NFATC2: variants seen among roughly 807,000 people sequenced by gnomAD.
NFATC2 encodes nuclear factor of activated T-cells, cytoplasmic 2.
In NFATC2, 22 loss-of-function variants were observed where a neutral mutation model predicts 87.3. The ratio of observed to expected loss-of-function variants is 0.25; its 90% confidence interval spans 0.18 to 0.36. NFATC2 has a LOEUF of 0.36. NFATC2 is among the 10% of genes least tolerant of loss of function. The probability of loss-of-function intolerance (pLI) is 1.00; values close to 1 mark genes in which losing one functional copy is unlikely to be tolerated. For missense variants in NFATC2, 1,149 were observed against 1,259.1 expected, an observed-to-expected ratio of 0.91 and a Z score of 1.32; for synonymous variants, 565 against 542.2, an observed-to-expected ratio of 1.04 and a Z score of -0.58.
chr20:51,518,439 A>G (rs1224352277), intron 2 of NFATC2, among the ~76,000 whole-genome samples: 1 of 152,214 alleles, frequency 6.6e-6, no homozygotes, highest in African/African-American at 2.4e-5. Context: ...TCTGTGCCAG[A>G]GTCCAACTTA....
chr20:51,550,857 A>C (rs889502649), intron 1 of NFATC2, among the ~76,000 whole-genome samples: 1 of 152,228 alleles, frequency 6.6e-6, no homozygotes, highest in Non-Finnish European at 1.5e-5. Context: ...TACTGAACTC[A>C]TATCGCTTTC....
chr20:51,509,089 T>A (rs2076232168), intron 3 of NFATC2, among the ~76,000 whole-genome samples: 1 of 151,890 alleles, frequency 6.6e-6, no homozygotes, highest in East Asian at 1.9e-4. Context: ...GTCACCCAAC[T>A]CAGCCCTGCT....
Position 51,562,543 on chromosome 20 carries a change from G to A in NFATC2, c.70+17C>T, listed in dbSNP as rs1166773211. 5.2e-6 allele frequency: 8 copies of A among 1,548,020 alleles called. No homozygotes were observed. The highest frequency in any genetic ancestry group is 1.2e-5 in the South Asian group (1 of 83,788). On this transcript the variant is annotated intron_variant, in intron 1 of 10. Coordinates refer to the NFATC2 transcript ENST00000414705. The surrounding 1 kb of genome is among the most constrained non-coding windows in gnomAD (Gnocchi z 5.8). ...GGAGCGAGCGGAAAAGGCTGGAAGG[G>A]ATCGAGAGTCAGTTACCTTGGTCCA...
chr20:51,463,773 C>T (rs975851333), intron 5 of NFATC2, among the ~76,000 whole-genome samples: 11 of 152,136 alleles, frequency 7.2e-5, no homozygotes, highest in South Asian at 2.1e-4. Context: ...TCAAATGCTT[C>T]GAACAAATGA....
Position 51,556,672 on chromosome 20 carries a change from C to G in NFATC2, c.70+5888G>C, listed in dbSNP as rs192588304. 1.6e-3 allele frequency among the ~76,000 whole-genome samples: 246 copies of G among 151,290 alleles called. 2 individuals carry two copies. The highest frequency in any genetic ancestry group is 5.7e-3 in the African/African-American group (234 of 41,224). ...AAAGGAGAGAAACCCAGATAGGAAG[C>G]CTCACTCAAGCACAGGCAAAGAGAG... is the stretch of plus-strand genomic sequence containing the variant. On this transcript the variant is annotated intron_variant, in intron 1 of 10. Coordinates refer to the NFATC2 transcript ENST00000414705.
chr20:51,483,604 T>C (rs55934928), intron 3 of NFATC2, among the ~76,000 whole-genome samples: 135,486 of 135,502 alleles, frequency 1, 67,735 homozygotes, highest in Middle Eastern at 1. Flanking sequence ...CCTTCCACCC[T>C]CTCCCCCCCA....
At chr20:51,545,405 G>A (rs904387458), upstream of NFATC2, among the ~76,000 whole-genome samples, 2 of 152,222 alleles carry the variant, frequency 1.3e-5, no homozygotes, top group African/African-American at 4.8e-5. Context: ...CAACGAAGTG[G>A]ATGAATGACC....
intron 3 of NFATC2, among the ~76,000 whole-genome samples, chr20:51,481,901 G>A (rs894059375): frequency 1.3e-5 from 2 of 152,150 alleles, no homozygotes; most frequent in African/African-American, 2.4e-5. Flanking sequence ...TATTGGGATC[G>A]CTTGCAAACA....
intron 3 of NFATC2, among the ~76,000 whole-genome samples, chr20:51,498,920 C>T (rs1395206920): frequency 6.6e-6 from 1 of 152,136 alleles, no homozygotes; most frequent in Non-Finnish European, 1.5e-5. Flanking sequence ...AGAAAGTAGC[C>T]ATGTGGATAG....
intron 10 of NFATC2, among the ~76,000 whole-genome samples, chr20:51,397,718 G>GGGAAGTAGGGGTTCATCTCA (rs1203051817): frequency 2.0e-5 from 3 of 152,116 alleles, no homozygotes; most frequent in African/African-American, 7.2e-5. Flanking sequence ...TTCTGCCATA[G>GGGAAGTAGGGGTTCATCTCA]GGAAGTAGGG....
At chr20:51,410,707 T>C (rs564567686) in intron 9 of NFATC2, among the ~76,000 whole-genome samples, 5 of 152,196 alleles carry the variant, frequency 3.3e-5, no homozygotes, top group Admixed American at 3.3e-4. Flanking sequence ...CAAGAGCTGG[T>C]ATTTTTGCAC....
At chr20:51,508,906 C>A (rs1245945437) in intron 3 of NFATC2, among the ~76,000 whole-genome samples, 1 of 152,150 alleles carries the variant, frequency 6.6e-6, no homozygotes, top group African/African-American at 2.4e-5. Flanking sequence ...TTCTCCCTGT[C>A]CACACCCCAG....
chr20:51,395,921 A>C (rs1987013508), intron 10 of NFATC2, among the ~76,000 whole-genome samples: 1 of 151,630 alleles, frequency 6.6e-6, no homozygotes, highest in Non-Finnish European at 1.5e-5. Flanking sequence ...TGTAGCATAA[A>C]AGCTGCCATA....
chr20:51,525,911 G>A (rs943802789), intron 1 of NFATC2, among the ~76,000 whole-genome samples: 25 of 144,834 alleles, frequency 1.7e-4, no homozygotes, highest in Admixed American at 1.1e-3. Context: ...CATGTGCCCC[G>A]GCCTGCCACC....
Position 51,542,440 on chromosome 20 carries a change from A to C in NFATC2, c.60T>G (p.Pro20=). The change falls in exon 1 of 11, where the codon CCT becomes CCG. Residue 20 remains proline, a synonymous_variant. Transcript: ENST00000371564. ...CAAGCTCGTCTTGGGGGCTGCCCCC[A>C]GGCTCGTGGCCTGGGGCGTCCCCGC... The part of the protein sequence containing the change: ...PDGGDAPGHE[P]GGSPQDELDF... 6.3e-7 allele frequency: 1 copy of C among 1,596,244 alleles called. No homozygotes were observed. Among genetic ancestry groups the C allele is most frequent in the Non-Finnish European group, 8.5e-7 (1 of 1,172,332 alleles).
rs952202492 is a variant in NFATC2 at position 51,542,700 on chromosome 20, G to A, written c.-201C>T. 7.3e-6 allele frequency: 8 copies of A among 1,099,090 alleles called. No individual in the cohort carries two copies. In the African/African-American group the frequency reaches 1.2e-4, roughly 16 times the overall value. The allele number at this position is 1,099,090 out of a possible 1,614,324, so 68.1% of individuals were successfully genotyped here. On this transcript the variant is annotated 5_prime_UTR_variant, in exon 1 of 11. Transcript: ENST00000371564. ...GGGGAAGCTGAGCGGCGGCGGCGACGGCGGCGCGAGCTTCCTGCTCCGGAG... is the reference window on the plus strand; with the variant it reads ...GGGGAAGCTGAGCGGCGGCGGCGACAGCGGCGCGAGCTTCCTGCTCCGGAG...
At chr20:51,426,692 A>G (rs776366090) in intron 9 of NFATC2, among the ~76,000 whole-genome samples, 13 of 152,192 alleles carry the variant, frequency 8.5e-5, no homozygotes, top group Admixed American at 7.9e-4. Flanking sequence ...CAAAAGAGTC[A>G]TGAAATCTGA....
At chr20:51,476,907 T>C (rs1988764074) in intron 3 of NFATC2, among the ~76,000 whole-genome samples, 1 of 152,250 alleles carries the variant, frequency 6.6e-6, no homozygotes, top group Admixed American at 6.5e-5. Context: ...ATTTTGGAGA[T>C]TGTGGGGGAA....
At chr20:51,492,988 C>T (rs368703119) in intron 3 of NFATC2, among the ~76,000 whole-genome samples, 1 of 152,218 alleles carries the variant, frequency 6.6e-6, no homozygotes, top group African/African-American at 2.4e-5. Context: ...AGGATGCGAT[C>T]GTGTGCCTCC....
Sources: gnomAD v4.1 joint callset for allele counts (sites outside exome capture counted in the v4.1 genomes callset) on GRCh38, gnomAD v4.1.1 for gene constraint, Gnocchi (gnomAD v3.1) non-coding constraint, MANE v1.5 for transcripts, NCBI Gene and HGNC (gene_info 2026-07-23, HGNC 2026-07-21) for gene names.